PDE1C: variants seen among roughly 807,000 people sequenced by gnomAD.
PDE1C encodes dual specificity calcium/calmodulin-dependent 3',5'-cyclic nucleotide phosphodiesterase 1C.
Under a neutral mutation model 93.1 loss-of-function variants are expected in PDE1C, and 62 were observed. The ratio of observed to expected loss-of-function variants is 0.67; its 90% CI spans 0.54 to 0.82. PDE1C has a LOEUF of 0.82. Ranked by LOEUF, PDE1C falls within the 40% of genes least tolerant of loss-of-function variation. The probability of loss-of-function intolerance (pLI) is 0.00; values close to 1 mark genes in which losing one functional copy is unlikely to be tolerated. For synonymous variants in PDE1C, 325 were observed against 310.1 expected (o/e 1.05, Z -0.50); for missense variants, 742 against 884.6 (o/e 0.84, Z 2.04).
chr7:31,795,196 T>C (rs138026529), intron 16 of PDE1C, among the ~76,000 whole-genome samples: 6 of 152,042 alleles, frequency 3.9e-5, no homozygotes, highest in African/African-American at 1.4e-4. Context: ...ATTACCAATG[T>C]AGATAGTGTT....
intron 3 of PDE1C, among the ~76,000 whole-genome samples, chr7:32,136,439 G>A (rs1421481205): frequency 6.6e-6 from 1 of 151,990 alleles, no homozygotes; most frequent in Non-Finnish European, 1.5e-5. Flanking sequence ...TTTAAAAGGA[G>A]ACAGCATGCT....
the PDE1C span, among the ~76,000 whole-genome samples, chr7:31,667,689 G>T: frequency 0.017 from 2,627 of 152,102 alleles, 33 homozygotes; most frequent in Non-Finnish European, 0.027. Flanking sequence ...TATGTAATCA[G>T]TAGACAATAG....
intron 8 of PDE1C, among the ~76,000 whole-genome samples, chr7:31,849,074 T>C (rs987877149): frequency 6.6e-6 from 1 of 152,196 alleles, no homozygotes; most frequent in African/African-American, 2.4e-5. Flanking sequence ...CTGAACACAT[T>C]GGAATTTTCC....
At chr7:32,232,939 T>G (rs1485656240) in intron 1 of PDE1C, among the ~76,000 whole-genome samples, 1 of 152,252 alleles carries the variant, frequency 6.6e-6, no homozygotes, top group East Asian at 1.9e-4. Flanking sequence ...CTACATAAGA[T>G]TTAAACAAGA....
chr7:31,735,164 T>C, the PDE1C span, among the ~76,000 whole-genome samples: 1 of 152,186 alleles, frequency 6.6e-6, no homozygotes. Flanking sequence ...TTTGGGAGGC[T>C]GAGATGGGCG....
At chr7:31,906,826 G>T (rs1386261219) in intron 2 of PDE1C, among the ~76,000 whole-genome samples, 2 of 152,106 alleles carry the variant, frequency 1.3e-5, no homozygotes, top group Admixed American at 1.3e-4. Flanking sequence ...TGGTAAAATA[G>T]GAATAAGAGT....
At chr7:32,131,351 C>T (rs1438725397) in intron 3 of PDE1C, among the ~76,000 whole-genome samples, 1 of 152,114 alleles carries the variant, frequency 6.6e-6, no homozygotes, top group Non-Finnish European at 1.5e-5. Flanking sequence ...TTAATCACTT[C>T]TATATCTCCA....
chr7:31,685,307 A>T, the PDE1C span, among the ~76,000 whole-genome samples: 2 of 152,146 alleles, frequency 1.3e-5, no homozygotes, highest in Non-Finnish European at 2.9e-5. Context: ...AAGATAAGGG[A>T]GGCTTGTGGT....
chr7:31,952,322 T>C (rs974664783), intron 2 of PDE1C, among the ~76,000 whole-genome samples: 1 of 152,114 alleles, frequency 6.6e-6, no homozygotes, highest in African/African-American at 2.4e-5. Context: ...TAATCTCGAC[T>C]CACTGCAACC....
At position 32,173,528 on chromosome 7, in the gene PDE1C, T is replaced by TA. The variant is rs960337218; in HGVS notation, c.137-3573dup. Among the ~76,000 whole-genome samples the TA allele has an allele frequency of 1.6e-3, 242 of 147,572 alleles. 3 individuals carry two copies. Among genetic ancestry groups the TA allele is most frequent in the African/African-American group, 4.8e-3 (191 of 40,186 alleles). ...ATAACAATAAATAAAAATTAAAAAT[T>TA]AAAAAAAAAACACTGTCAGATCACT... On this transcript the variant is annotated intron_variant, in intron 2 of 18. Coordinates refer to the PDE1C transcript ENST00000396193.
chr7:32,066,175 C>T (rs770513770), intron 1 of PDE1C, among the ~76,000 whole-genome samples: 2 of 152,186 alleles, frequency 1.3e-5, no homozygotes, highest in Non-Finnish European at 2.9e-5. Flanking sequence ...GGGATCCATA[C>T]CCTACTTGAA....
chr7:32,311,704 AC>A (rs1326720306), intron 1 of PDE1C, among the ~76,000 whole-genome samples: 7 of 152,000 alleles, frequency 4.6e-5, no homozygotes, highest in East Asian at 3.9e-4. Context: ...AAATTCAACA[AC>A]CCTTCATGCT....
chr7:32,334,725 A>T (rs1418147098), intron 1 of PDE1C, among the ~76,000 whole-genome samples: 1 of 144,996 alleles, frequency 6.9e-6, no homozygotes, highest in Non-Finnish European at 1.5e-5. Context: ...CACAAAGGCT[A>T]TGAAATAGTA....
At chr7:31,983,220 A>G (rs1332811040) in intron 2 of PDE1C, among the ~76,000 whole-genome samples, 1 of 152,230 alleles carries the variant, frequency 6.6e-6, no homozygotes, top group African/African-American at 2.4e-5. Context: ...ACAGACTCAA[A>G]GATGGGAACA....
chr7:31,872,874 T>G (rs80160205), intron 6 of PDE1C, among the ~76,000 whole-genome samples: 6,942 of 152,182 alleles, frequency 0.046, 209 homozygotes, highest in African/African-American at 0.093. Flanking sequence ...TTTGTCTGAA[T>G]GAGCCAAGTG....
intron 1 of PDE1C, among the ~76,000 whole-genome samples, chr7:32,389,324 C>G (rs930090167): frequency 6.6e-6 from 1 of 152,150 alleles, no homozygotes. Flanking sequence ...TCAAGTGATT[C>G]TCCTGCCTCA....
At chr7:31,717,213 T>C in the PDE1C span, among the ~76,000 whole-genome samples, 2 of 152,250 alleles carry the variant, frequency 1.3e-5, no homozygotes, top group African/African-American at 2.4e-5. Context: ...CAAGTTACAA[T>C]GTACTAAACA....
the PDE1C span, among the ~76,000 whole-genome samples, chr7:31,645,264 TTAC>T: frequency 6.6e-6 from 1 of 152,162 alleles, no homozygotes; most frequent in African/African-American, 2.4e-5. Flanking sequence ...ATAAAGCAAA[TTAC>T]TACTTGGCCT....
At chr7:32,426,723 T>C (rs1257043384) in intron 1 of PDE1C, among the ~76,000 whole-genome samples, 1 of 152,210 alleles carries the variant, frequency 6.6e-6, no homozygotes, top group Non-Finnish European at 1.5e-5. Context: ...TTCACAATGA[T>C]AAATCTCCCC....
Sources: allele counts gnomAD v4.1 joint callset (sites outside exome capture counted in the v4.1 genomes callset), GRCh38; gene constraint gnomAD v4.1.1; transcripts MANE v1.5; gene names NCBI Gene and HGNC (gene_info 2026-07-23, HGNC 2026-07-21).